The following ATG10 variants were observed in gnomAD, a reference collection of about 807,000 sequenced individuals.
ATG10 encodes the protein ubiquitin-like-conjugating enzyme ATG10.
In ATG10, 30 loss-of-function variants were observed where a neutral mutation model predicts 32.1. The observed-to-expected ratio is 0.94, with a 90% CI of 0.70 to 1.27. ATG10 has a LOEUF of 1.27. ATG10 is among the 50% of genes most tolerant of loss of function. The pLI is 0.00. For missense variants in ATG10, 233 were observed against 262.3 expected (o/e 0.89, Z 0.77); for synonymous variants, 87 against 91.5 (o/e 0.95, Z 0.28).
chr5:82,246,751 T>G (rs1747053900), intron 5 of ATG10, among the ~76,000 whole-genome samples: 1 of 152,144 alleles, frequency 6.6e-6, no homozygotes, highest in Non-Finnish European at 1.5e-5. Flanking sequence ...TTATTCACCA[T>G]TTATGACACT....
chr5:81,990,761 AG>A (rs1761430033), intron 2 of ATG10, among the ~76,000 whole-genome samples: 1 of 152,212 alleles, frequency 6.6e-6, no homozygotes, highest in African/African-American at 2.4e-5. Flanking sequence ...ACAGATCAAT[AG>A]GAAGACTGAG....
At chr5:82,098,665 A>G (rs1210608829) in intron 3 of ATG10, among the ~76,000 whole-genome samples, 1 of 152,154 alleles carries the variant, frequency 6.6e-6, no homozygotes, top group African/African-American at 2.4e-5. Context: ...AGACTTCCAT[A>G]CTTGATTTGA....
chr5:82,037,129 C>CAA (rs1159037400), intron 2 of ATG10, among the ~76,000 whole-genome samples: 947 of 25,732 alleles, frequency 0.037, 188 homozygotes, highest in African/African-American at 0.11. Context: ...GACTCTGTCT[C>CAA]AAAAAAAAAA....
intron 3 of ATG10, 74 bp from the exon 4 acceptor site, chr5:82,164,325 T>C: frequency 7.4e-7 from 1 of 1,355,822 alleles, no homozygotes; most frequent in Non-Finnish European, 1.0e-6. Flanking sequence ...GAAGAAAATC[T>C]CCTCTTTTCC....
At chr5:82,164,613 TCTCC>T in intron 4 of ATG10, 76 bp downstream of exon 4, 1 of 1,386,562 alleles carries the variant, frequency 7.2e-7, no homozygotes. Flanking sequence ...GGAAAATTAT[TCTCC>T]AGAGGAAAAA....
Position 82,253,357 on chromosome 5 carries a change from G to C in ATG10, c.595G>C (p.Val199Leu). The change falls in exon 7 of 8, where the codon GTT becomes CTT. Residue 199 changes from valine to leucine, a missense_variant. Transcript: ENST00000282185. ...ITSWLSIVGPVVGLNLPLSYA... is the reference protein window; with the variant it reads ...ITSWLSIVGPLVGLNLPLSYA... ...ATCATGGCTGAGCATTGTAGGGCCA[G>C]TTGTTGGGCTGAATCTACCTCTGAG... 1 of 1,613,508 alleles carries C rather than the reference G, an allele frequency of 6.2e-7. No individual in the cohort carries two copies. Among genetic ancestry groups the C allele is most frequent in the East Asian group, 2.2e-5 (1 of 44,890 alleles).
At chr5:82,176,399 G>A (rs1239586879) in intron 4 of ATG10, among the ~76,000 whole-genome samples, 1 of 152,144 alleles carries the variant, frequency 6.6e-6, no homozygotes, top group African/African-American at 2.4e-5. Flanking sequence ...TATAAAATTA[G>A]TGGTTATACT....
rs1381583665 is a variant in ATG10 at position 82,164,436 on chromosome 5, T to C, written c.254T>C (p.Ile85Thr). ...FELPLDDCEV[I>T]ETAAASEVIK... ...CTACCCTTGGATGATTGTGAAGTGA[T>C]TGAAACTGCAGCAGCGTCCGAAGTG... The change falls in exon 4 of 8, where the codon ATT becomes ACT. Residue 85 changes from isoleucine to threonine, a missense_variant. Ile to Thr is a moderately conservative substitution (Grantham distance 89, BLOSUM62 -1). Coordinates refer to ENST00000282185, the MANE Select transcript of ATG10 (RefSeq NM_031482.5). 1.7e-5 allele frequency: 27 copies of C among 1,613,904 alleles called. No individual in the cohort carries two copies. The highest frequency in any genetic ancestry group is 2.2e-5 in the East Asian group (1 of 44,870).
At chr5:82,165,564 G>A (rs534628213) in intron 4 of ATG10, among the ~76,000 whole-genome samples, 3 of 152,184 alleles carry the variant, frequency 2.0e-5, no homozygotes, top group Non-Finnish European at 2.9e-5. Flanking sequence ...AATCTGAGGT[G>A]CAGTTCCTAA....
chr5:82,030,701 T>C (rs1400978563), intron 2 of ATG10, among the ~76,000 whole-genome samples: 1 of 152,222 alleles, frequency 6.6e-6, no homozygotes, highest in African/African-American at 2.4e-5. Context: ...CTATTGACCT[T>C]GCTCTCCTTA....
chr5:82,098,326 T>TC (rs1472319392), intron 3 of ATG10, among the ~76,000 whole-genome samples: 1 of 147,872 alleles, frequency 6.8e-6, no homozygotes, highest in Non-Finnish European at 1.5e-5. Flanking sequence ...TTTTTTTTTT[T>TC]TTTGAGACTG....
At chr5:82,103,597 T>A (rs113098512) in intron 3 of ATG10, among the ~76,000 whole-genome samples, 66 of 151,974 alleles carry the variant, frequency 4.3e-4, no homozygotes, top group African/African-American at 1.4e-3. Context: ...AAACCCATAC[T>A]CAGTTATGAA....
chr5:82,229,246 C>T (rs547115955), intron 5 of ATG10, among the ~76,000 whole-genome samples: 5 of 152,242 alleles, frequency 3.3e-5, no homozygotes, highest in Admixed American at 6.5e-5. Flanking sequence ...CTGGAGATGG[C>T]AGCTGTTACA....
intron 5 of ATG10, among the ~76,000 whole-genome samples, chr5:82,233,623 C>G (rs963413477): frequency 6.6e-6 from 1 of 152,164 alleles, no homozygotes; most frequent in East Asian, 1.9e-4. Flanking sequence ...GTTAAATGAA[C>G]CAGTGCCATG....
At chr5:82,091,469 A>G (rs1020143864) in intron 3 of ATG10, among the ~76,000 whole-genome samples, 7 of 152,174 alleles carry the variant, frequency 4.6e-5, no homozygotes, top group African/African-American at 1.4e-4. Context: ...AAAGGAGGCA[A>G]TTCAACTGTG....
At chr5:82,239,826 C>T (rs1746713466) in intron 5 of ATG10, among the ~76,000 whole-genome samples, 1 of 151,720 alleles carries the variant, frequency 6.6e-6, no homozygotes, top group Non-Finnish European at 1.5e-5. Flanking sequence ...CAAAAAAACC[C>T]CCAAATAATC....
At chr5:81,996,125 C>A (rs552432528) in intron 2 of ATG10, among the ~76,000 whole-genome samples, 1 of 152,256 alleles carries the variant, frequency 6.6e-6, no homozygotes, top group African/African-American at 2.4e-5. Context: ...TTTTATTCTT[C>A]TTCCACTAAT....
At chr5:82,001,311 A>G (rs930315227) in intron 2 of ATG10, among the ~76,000 whole-genome samples, 2 of 152,230 alleles carry the variant, frequency 1.3e-5, no homozygotes, top group Non-Finnish European at 2.9e-5. Context: ...TTTAAAATTC[A>G]TATGGAACCA....
intron 3 of ATG10, among the ~76,000 whole-genome samples, chr5:82,155,153 T>C (rs548399526): frequency 6.6e-6 from 1 of 152,340 alleles, no homozygotes; most frequent in Admixed American, 6.5e-5. Context: ...ATCTCACTTG[T>C]TTAAATTAGG....
Sources: gnomAD v4.1 joint callset for allele counts (sites outside exome capture counted in the v4.1 genomes callset) on GRCh38, gnomAD v4.1.1 for gene constraint, MANE v1.5 for transcripts, NCBI Gene and HGNC (gene_info 2026-07-23, HGNC 2026-07-21) for gene names.